The following DSCAML1 variants were observed in gnomAD, a reference collection of about 807,000 sequenced individuals.
The protein encoded by DSCAML1 is DS cell adhesion molecule like 1, also known as cell adhesion molecule DSCAML1.
DSCAML1 carries 38 observed loss-of-function variants against 200.5 expected under a neutral mutation model. The observed-to-expected ratio is 0.19, with a 90% CI of 0.15 to 0.25. The LOEUF (loss-of-function observed/expected upper bound fraction) is 0.25, where lower values mean the gene tolerates loss of function less well. Among genes scored for constraint, DSCAML1 ranks in the 10% least tolerant of loss-of-function variants. The pLI is 1.00. For synonymous variants in DSCAML1, 1,215 were observed against 1,165.0 expected (o/e 1.04, Z -0.87); for missense variants, 2,223 against 2,858.8 (o/e 0.78, Z 5.07).
intron 4 of DSCAML1, among the ~76,000 whole-genome samples, chr11:117,531,945 AG>A (rs1388469369): frequency 2.6e-5 from 1 of 37,830 alleles, no homozygotes; most frequent in East Asian, 1.1e-3. Flanking sequence ...GGGAGGAGGG[AG>A]GGAGGGAGGG....
Position 117,437,846 on chromosome 11 carries a change from C to T in DSCAML1, c.4432+49G>A. 3 of 1,529,528 alleles carry T rather than the reference C, an allele frequency of 2.0e-6. No homozygotes were observed. The highest frequency in any genetic ancestry group is 2.5e-5 in the South Asian group (2 of 80,052). The allele number at this position is 1,529,528 out of a possible 1,614,324, so 94.7% of individuals were successfully genotyped here. On this transcript the variant is annotated intron_variant, in intron 25 of 32. Coordinates refer to ENST00000651296, the MANE Select transcript of DSCAML1 (RefSeq NM_020693.4). The surrounding 1 kb of genome is among the most constrained non-coding windows in gnomAD (Gnocchi z 5.3). ...CCCATACCTGGCCCCTCTAGCCCAC[C>T]CTCCCTGGGCCCATCGCTCCTTCCC...
chr11:117,606,330 CT>C (rs1421471200), intron 3 of DSCAML1, among the ~76,000 whole-genome samples: 3 of 152,224 alleles, frequency 2.0e-5, no homozygotes, highest in Non-Finnish European at 2.9e-5. Context: ...CACTGCCCCC[CT>C]GGAGAAGTTC....
intron 21 of DSCAML1, among the ~76,000 whole-genome samples, chr11:117,441,789 G>T (rs575967450): frequency 2.2e-4 from 34 of 152,276 alleles, no homozygotes; most frequent in African/African-American, 8.2e-4. Context: ...TCTGGGGTCT[G>T]CTTGGAGCAG....
In DSCAML1 at chr11:117,613,439, G is replaced by A. The variant is rs546623183; in HGVS notation, c.512-80917C>T. Among the ~76,000 whole-genome samples the A allele has an allele frequency of 2.8e-4, 42 of 152,124 alleles. No homozygotes were observed. In the South Asian group the frequency reaches 8.1e-3, roughly 29 times the overall value. ...GGGGCCTTGAGGAATAATAGGGTGC[G>A]CTCTCCTCTTCTCCATGCTCAAAAA... On this transcript the variant is annotated intron_variant, in intron 3 of 32. Coordinates refer to ENST00000651296, the MANE Select transcript of DSCAML1 (RefSeq NM_020693.4).
chr11:117,444,653 C>A (rs1461199243), intron 20 of DSCAML1, among the ~76,000 whole-genome samples: 1 of 152,132 alleles, frequency 6.6e-6, no homozygotes, highest in Non-Finnish European at 1.5e-5. Flanking sequence ...GTAGGTTATA[C>A]AAATCTATAA....
At chr11:117,705,041 G>C (rs77550847) in intron 3 of DSCAML1, among the ~76,000 whole-genome samples, 24 of 152,324 alleles carry the variant, frequency 1.6e-4, no homozygotes, top group South Asian at 2.1e-4. Context: ...CACGCCGAGG[G>C]GGGGACGTCT....
rs149330068 is a variant in DSCAML1 at position 117,663,612 on chromosome 11, G to A, written c.511+113179C>T. On this transcript the variant is annotated intron_variant, in intron 3 of 32. Transcript: ENST00000651296. ...GGCTCTCTCTCACTGTGCCCACATC[G>A]CCGCCAAGTGCCCGGCCAGGCCAGA... 1.2e-3 allele frequency among the ~76,000 whole-genome samples: 185 copies of A among 151,172 alleles called. 3 individuals are homozygous for A. In the East Asian group the frequency reaches 0.025, roughly 20 times the overall value.
chr11:117,754,525 G>C (rs542170064), intron 3 of DSCAML1, among the ~76,000 whole-genome samples: 27 of 152,000 alleles, frequency 1.8e-4, no homozygotes, highest in Non-Finnish European at 2.9e-4. Context: ...GAGAATGGAC[G>C]CACTCTCATA....
chr11:117,635,921 C>A (rs2052273319), intron 3 of DSCAML1, among the ~76,000 whole-genome samples: 2 of 152,124 alleles, frequency 1.3e-5, no homozygotes, highest in South Asian at 4.1e-4. Context: ...AAGGACTTGT[C>A]CAGGGGTGAG....
chr11:117,485,200 C>T (rs1372192413), intron 11 of DSCAML1, among the ~76,000 whole-genome samples: 5 of 152,190 alleles, frequency 3.3e-5, no homozygotes, highest in African/African-American at 1.2e-4. Context: ...CCTGTGTATC[C>T]ATACATGCCA....
rs572641245 is a variant in DSCAML1 at position 117,461,517 on chromosome 11, C to T, written c.3345G>A (p.Pro1115=). 2.4e-5 allele frequency: 38 copies of T among 1,614,150 alleles called. No individual in the cohort carries two copies. In the Admixed American group the frequency reaches 3.2e-4, roughly 13 times the overall value. Residue 1115 remains proline, a synonymous_variant, in exon 18 of 33, where the codon CCG becomes CCA. Coordinates refer to ENST00000651296, the MANE Select transcript of DSCAML1 (RefSeq NM_020693.4). ...DVAVISWSEP[P]RSTLNGVLKG... ...TGAGGACGCCATTGAGGGTGCTGCG[C>T]GGGGGCTCTGACCAGGAGATGACGG...
intron 1 of DSCAML1, among the ~76,000 whole-genome samples, chr11:117,785,501 G>A (rs1352959214): frequency 6.6e-6 from 1 of 152,106 alleles, no homozygotes; most frequent in East Asian, 1.9e-4. Flanking sequence ...GGGGAGAAGA[G>A]CTGAAACCAG....
chr11:117,564,745 TTC>T (rs5795094), intron 3 of DSCAML1, among the ~76,000 whole-genome samples: 15 of 148,254 alleles, frequency 1.0e-4, no homozygotes, highest in East Asian at 5.9e-4. Context: ...CTTCTCTTTC[TTC>T]TCTCTCTCTC....
At chr11:117,786,085 C>T (rs1281960548) in intron 1 of DSCAML1, among the ~76,000 whole-genome samples, 1 of 152,170 alleles carries the variant, frequency 6.6e-6, no homozygotes, top group Non-Finnish European at 1.5e-5. Flanking sequence ...CAATCCCAGC[C>T]ACTCCCCGCA....
intron 3 of DSCAML1, among the ~76,000 whole-genome samples, chr11:117,759,060 C>G (rs2054750659): frequency 6.6e-6 from 1 of 152,192 alleles, no homozygotes; most frequent in Non-Finnish European, 1.5e-5. Flanking sequence ...GGCGATACTT[C>G]TAGACCTTAG....
Position 117,480,389 on chromosome 11 carries a change from T to C in DSCAML1, c.2785+54A>G. The C allele has an allele frequency of 1.2e-6, 2 of 1,605,960 alleles. No individual in the cohort carries two copies. The highest frequency in any genetic ancestry group is 3.4e-5 in the Admixed American group (2 of 59,316). On this transcript the variant is annotated intron_variant, in intron 14 of 32. Transcript: ENST00000651296. This position sits in a 1 kb window ranked among gnomAD's most constrained non-coding sequence, Gnocchi z 4.1. ...TCCCAGAGGGCACAGGCAGGACACG[T>C]GGCACAAGGGGCCATGGCAGGCCAC...
chr11:117,430,795 G>A lies in DSCAML1; in HGVS notation c.5613C>T (p.Ala1871=), dbSNP rs1384534987. ...CCGCATCCTGGGGCTTGGGTGGTGA[G>A]GCGGTAAAGCGGCAGATGCCAGGCT... ...PSEPGICRFT[A]SPPKPQDADR... Residue 1871 remains alanine, a synonymous_variant, in exon 32 of 33, where the codon GCC becomes GCT. Coordinates refer to ENST00000651296, the MANE Select transcript of DSCAML1 (RefSeq NM_020693.4). 6.2e-7 allele frequency: 1 copy of A among 1,614,162 alleles called. No homozygotes were observed. Among genetic ancestry groups the A allele is most frequent in the East Asian group, 2.2e-5 (1 of 44,886 alleles).
At chr11:117,495,547 G>C (rs2049274352) in intron 11 of DSCAML1, among the ~76,000 whole-genome samples, 1 of 152,136 alleles carries the variant, frequency 6.6e-6, no homozygotes. Flanking sequence ...AATCACACGA[G>C]TCATGAGTCA....
intron 3 of DSCAML1, among the ~76,000 whole-genome samples, chr11:117,737,414 G>A (rs1321418061): frequency 6.6e-6 from 1 of 152,184 alleles, no homozygotes; most frequent in African/African-American, 2.4e-5. Flanking sequence ...ATGGGGGAAT[G>A]CCAGGTGCCG....
Sources: allele counts gnomAD v4.1 joint callset (sites outside exome capture counted in the v4.1 genomes callset), GRCh38; gene constraint gnomAD v4.1.1; non-coding constraint Gnocchi (gnomAD v3.1); transcripts MANE v1.5; gene names NCBI Gene and HGNC (gene_info 2026-07-23, HGNC 2026-07-21).